The following CATSPERE variants were observed in gnomAD, a reference collection of about 807,000 sequenced individuals.
The protein encoded by CATSPERE is catsper channel auxiliary subunit epsilon.
Under a neutral mutation model 114.1 loss-of-function variants are expected in CATSPERE, and 93 were observed. The observed-to-expected ratio is 0.81, with a 90% confidence interval of 0.69 to 0.97. The LOEUF is 0.97. Ranked by LOEUF, CATSPERE falls within the 50% of genes least tolerant of loss-of-function variation. The pLI is 0.00. For synonymous variants in CATSPERE, 341 were observed against 384.1 expected (o/e 0.89, Z 1.31); for missense variants, 1,058 against 1,131.6 (o/e 0.93, Z 0.93).
intron 13 of CATSPERE, among the ~76,000 whole-genome samples, chr1:244,586,359 A>T (rs892736980): frequency 6.6e-6 from 1 of 152,192 alleles, no homozygotes; most frequent in African/African-American, 2.4e-5. Flanking sequence ...TCATCAAGTG[A>T]TGGTGGGTCC....
At chr1:244,565,462 C>T (rs1221215962) in intron 10 of CATSPERE, among the ~76,000 whole-genome samples, 1 of 152,128 alleles carries the variant, frequency 6.6e-6, no homozygotes, top group Non-Finnish European at 1.5e-5. Context: ...TGACTTCTTC[C>T]TGGTTTCATT....
At chr1:244,521,619 A>G (rs548579224) in intron 8 of CATSPERE, among the ~76,000 whole-genome samples, 4 of 152,332 alleles carry the variant, frequency 2.6e-5, no homozygotes, top group African/African-American at 9.6e-5. Context: ...ATTGTACATA[A>G]AAATAATCTC....
chr1:244,480,167 T>C (rs1670034764), intron 5 of CATSPERE, among the ~76,000 whole-genome samples: 1 of 152,228 alleles, frequency 6.6e-6, no homozygotes, highest in Non-Finnish European at 1.5e-5. Context: ...CAGAGGGCTC[T>C]TCTATTATAT....
intron 8 of CATSPERE, among the ~76,000 whole-genome samples, chr1:244,519,830 C>CAGAG (rs57377456): frequency 0.13 from 19,532 of 152,074 alleles, 2,171 homozygotes; most frequent in African/African-American, 0.3. Context: ...GGAAAGCGCT[C>CAGAG]AGCCGCCATA....
Position 244,522,091 on chromosome 1 carries a change from G to T in CATSPERE, c.536+3393G>T, listed in dbSNP as rs576843402. On this transcript the variant is annotated intron_variant, in intron 8 of 21. Transcript: ENST00000366534. ...ATTGACCACATACTTGGAAGTAAAG[G>T]TCTCCTCAGCAAATGTAAAAGAACA... 4.6e-5 allele frequency among the ~76,000 whole-genome samples: 7 copies of T among 152,102 alleles called. 1 individual carries two copies. In the South Asian group the frequency reaches 1.5e-3, roughly 32 times the overall value.
chr1:244,589,530 T>C (rs1461806220), intron 14 of CATSPERE, among the ~76,000 whole-genome samples: 2 of 152,210 alleles, frequency 1.3e-5, no homozygotes, highest in African/African-American at 4.8e-5. Context: ...CCTTAGAGTA[T>C]GGCCTATGGA....
intron 8 of CATSPERE, among the ~76,000 whole-genome samples, chr1:244,541,363 T>C (rs1369647289): frequency 6.7e-6 from 1 of 149,722 alleles, no homozygotes; most frequent in Non-Finnish European, 1.5e-5. Context: ...AACAGGCACT[T>C]CTCAAAAGAA....
intron 8 of CATSPERE, among the ~76,000 whole-genome samples, chr1:244,550,950 C>T (rs1022736612): frequency 2.0e-5 from 3 of 152,180 alleles, no homozygotes; most frequent in Non-Finnish European, 4.4e-5. Context: ...TAAATTACTC[C>T]ATGTTCCCAC....
intron 17 of CATSPERE, among the ~76,000 whole-genome samples, chr1:244,595,747 C>A (rs1462470394): frequency 6.6e-6 from 1 of 152,220 alleles, no homozygotes; most frequent in South Asian, 2.1e-4. Context: ...CTGGCTAACA[C>A]AGTGAAACCC....
intron 8 of CATSPERE, among the ~76,000 whole-genome samples, chr1:244,524,138 A>C (rs1194603688): frequency 6.7e-6 from 1 of 149,702 alleles, no homozygotes; most frequent in African/African-American, 2.5e-5. Flanking sequence ...ACCAAAACAG[A>C]GATATAGATC....
rs374421942 is a variant in CATSPERE, at chr1:244,504,001, A to AT, written c.429+4923dup. ...GTTTTCTATGACCTGGAGATATTTC[A>AT]TGCTTATTTTTTTCCTTTTTTTCTA... On this transcript the variant is annotated intron_variant, in intron 7 of 21. Transcript: ENST00000366534. This position sits in a 1 kb window ranked among gnomAD's most constrained non-coding sequence, Gnocchi z 4.1. Among the ~76,000 whole-genome samples, 19 of 152,148 alleles carry AT rather than the reference A, an allele frequency of 1.2e-4. No homozygotes were observed. The highest frequency in any genetic ancestry group is 4.6e-4 in the African/African-American group (19 of 41,442).
intron 10 of CATSPERE, among the ~76,000 whole-genome samples, chr1:244,567,874 G>A (rs1371591721): frequency 6.6e-6 from 1 of 151,956 alleles, no homozygotes; most frequent in Non-Finnish European, 1.5e-5. Context: ...GTCCAGTTTT[G>A]TTCCCTTGCT....
intron 20 of CATSPERE, among the ~76,000 whole-genome samples, chr1:244,623,780 T>C (rs1477506021): frequency 6.6e-6 from 1 of 152,234 alleles, no homozygotes; most frequent in Non-Finnish European, 1.5e-5. Flanking sequence ...TGCAACAGCA[T>C]TGCACATTGT....
intron 8 of CATSPERE, among the ~76,000 whole-genome samples, chr1:244,532,310 C>T (rs2148423507): frequency 1.3e-5 from 2 of 151,746 alleles, no homozygotes; most frequent in Middle Eastern, 6.8e-3. Flanking sequence ...TTTAATTTAT[C>T]TCTGCTCTGA....
intron 19 of CATSPERE, among the ~76,000 whole-genome samples, chr1:244,614,516 A>G (rs372067332): frequency 7.2e-5 from 11 of 152,362 alleles, no homozygotes; most frequent in East Asian, 1.9e-4. Flanking sequence ...TGCTTTTTAT[A>G]CAAACATCTT....
upstream of CATSPERE, among the ~76,000 whole-genome samples, chr1:244,457,828 G>A (rs1666298158): frequency 6.6e-6 from 1 of 152,078 alleles, no homozygotes; most frequent in Admixed American, 6.5e-5. Context: ...CATACAGGAA[G>A]CATTGTCAAA....
At chr1:244,592,472 T>G (rs1168954023) in intron 15 of CATSPERE, among the ~76,000 whole-genome samples, 1 of 152,158 alleles carries the variant, frequency 6.6e-6, no homozygotes, top group Non-Finnish European at 1.5e-5. Context: ...CCACAGCCTC[T>G]GAAATATTTA....
At chr1:244,559,285 CT>C (rs1377740826) in intron 9 of CATSPERE, among the ~76,000 whole-genome samples, 2 of 152,184 alleles carry the variant, frequency 1.3e-5, no homozygotes, top group African/African-American at 4.8e-5. Flanking sequence ...AAGTTCTATA[CT>C]TTAACGTGAA....
chr1:244,639,655 G>C (rs2148766718), intron 21 of CATSPERE, among the ~76,000 whole-genome samples: 1 of 148,456 alleles, frequency 6.7e-6, no homozygotes, highest in East Asian at 2.0e-4. Flanking sequence ...CTCCAGGCTG[G>C]GTGACAGAGG....
Sources: allele counts gnomAD v4.1 joint callset (sites outside exome capture counted in the v4.1 genomes callset), GRCh38; gene constraint gnomAD v4.1.1; non-coding constraint Gnocchi (gnomAD v3.1); transcripts MANE v1.5; gene names NCBI Gene and HGNC (gene_info 2026-07-23, HGNC 2026-07-21).